ZNF516: variants seen among roughly 807,000 people sequenced by gnomAD.
ZNF516 encodes zinc finger protein 516.
Under a neutral mutation model 79.7 loss-of-function variants are expected in ZNF516, and 19 were observed. That is an observed-to-expected ratio of 0.24 (90% CI 0.17 to 0.35). The LOEUF (loss-of-function observed/expected upper bound fraction) is 0.35. Ranked by LOEUF, ZNF516 falls within the 10% of genes least tolerant of loss-of-function variation. The pLI, the probability that ZNF516 is intolerant of heterozygous loss-of-function variation, is 1.00. For synonymous variants in ZNF516, 877 were observed against 739.5 expected, an observed-to-expected ratio of 1.19 and a Z score of -3.02; for missense variants, 1,678 against 1,679.5, an observed-to-expected ratio of 1.00 and a Z score of 0.02.
intron 1 of ZNF516, among the ~76,000 whole-genome samples, chr18:76,491,304 A>G (rs1324514632): frequency 1.2e-4 from 4 of 32,804 alleles, no homozygotes; most frequent in Non-Finnish European, 2.2e-4. Context: ...CCGGCCCTCC[A>G]CAGCCCCATC....
chr18:76,438,884 T>C (rs2145511941), intron 3 of ZNF516, among the ~76,000 whole-genome samples: 1 of 152,348 alleles, frequency 6.6e-6, no homozygotes, highest in Admixed American at 6.5e-5. Flanking sequence ...TGGCTGCTGC[T>C]TGTAAGAACC....
chr18:76,391,869 A>C (rs1004641610), intron 3 of ZNF516, among the ~76,000 whole-genome samples: 5 of 152,214 alleles, frequency 3.3e-5, no homozygotes, highest in Admixed American at 2.0e-4. Context: ...CGGAGACCCC[A>C]TCAGACAGAG....
chr18:76,472,570 A>G (rs1443352641), intron 1 of ZNF516, among the ~76,000 whole-genome samples: 6 of 152,270 alleles, frequency 3.9e-5, no homozygotes, highest in East Asian at 3.8e-4. Context: ...GGCTTCAGCA[A>G]TATGAAATTT....
intron 3 of ZNF516, among the ~76,000 whole-genome samples, chr18:76,432,287 C>G (rs183304657): frequency 6.6e-6 from 1 of 152,372 alleles, no homozygotes; most frequent in East Asian, 1.9e-4. Context: ...TAGGCCTCTG[C>G]CTTGAGTGCT....
At chr18:76,486,823 C>A (rs1412184845) in intron 1 of ZNF516, among the ~76,000 whole-genome samples, 1 of 152,126 alleles carries the variant, frequency 6.6e-6, no homozygotes, top group African/African-American at 2.4e-5. Context: ...CTTCTCGGCC[C>A]AGTAAATTCT....
At chr18:76,371,709 G>T (rs2074710877) in intron 4 of ZNF516, 138 bp from the exon 5 acceptor site, 1 of 680,496 alleles carries the variant, frequency 1.5e-6, no homozygotes, top group African/African-American at 1.8e-5. Flanking sequence ...CTCCCTTCAG[G>T]CCCTGGTGAC....
intron 3 of ZNF516, among the ~76,000 whole-genome samples, chr18:76,440,917 T>C (rs934925794): frequency 1.3e-5 from 2 of 152,110 alleles, no homozygotes; most frequent in African/African-American, 4.8e-5. Context: ...AGGTCAAAGG[T>C]GTGAGTATAT....
At chr18:76,410,625 A>T (rs911296276) in intron 3 of ZNF516, among the ~76,000 whole-genome samples, 4 of 152,252 alleles carry the variant, frequency 2.6e-5, no homozygotes, top group African/African-American at 9.6e-5. Context: ...ATTTTTAAAA[A>T]TTTCAATTTG....
chr18:76,491,849 G>A (rs958135954), intron 1 of ZNF516, among the ~76,000 whole-genome samples: 2 of 152,072 alleles, frequency 1.3e-5, no homozygotes, highest in African/African-American at 4.8e-5. Context: ...ACACCTCCCA[G>A]GGCTGCCCAG....
rs1257399657 is a variant in ZNF516 at position 76,437,066 on chromosome 18, A to AC, written c.1810+4178_1810+4179insG. Among the ~76,000 whole-genome samples, 48 of 130,098 alleles carry AC rather than the reference A, an allele frequency of 3.7e-4. 1 individual carries two copies. The highest frequency in any genetic ancestry group is 1.3e-3 in the African/African-American group (46 of 34,608). The allele number at this position is 130,098 out of a possible 152,430, so 85.3% of individuals were successfully genotyped here. A position where few individuals can be genotyped will look rare whatever the true frequency, so the allele number is the denominator to read the frequency against. ...TGGGTGACAGAGCAAGACCTGTCTA[A>AC]AACACACACACACACACACACACAC... On this transcript the variant is annotated intron_variant, in intron 3 of 6. Coordinates refer to ENST00000443185, the MANE Select transcript of ZNF516 (RefSeq NM_014643.4).
chr18:76,426,516 T>C (rs1441182938), intron 3 of ZNF516, among the ~76,000 whole-genome samples: 1 of 150,822 alleles, frequency 6.6e-6, no homozygotes, highest in Non-Finnish European at 1.5e-5. Context: ...AAATATTGCA[T>C]GGGACATACA....
At chr18:76,482,594 T>C (rs887039533) in intron 1 of ZNF516, among the ~76,000 whole-genome samples, 1 of 152,254 alleles carries the variant, frequency 6.6e-6, no homozygotes, top group African/African-American at 2.4e-5. Flanking sequence ...CCATGTTCAG[T>C]AGACTGAAGG....
chr18:76,492,915 C>G (rs145024767), intron 1 of ZNF516: 1 of 985,478 alleles, frequency 1.0e-6, no homozygotes, highest in Non-Finnish European at 1.2e-6. Flanking sequence ...AATGCAGAAG[C>G]CTGCGGATGC....
At chr18:76,422,192 A>C (rs1192408225) in intron 3 of ZNF516, among the ~76,000 whole-genome samples, 1 of 152,188 alleles carries the variant, frequency 6.6e-6, no homozygotes, top group African/African-American at 2.4e-5. Context: ...CAAGCACTAA[A>C]TAAGACACAG....
chr18:76,404,944 A>T (rs764317648), intron 3 of ZNF516, among the ~76,000 whole-genome samples: 1 of 152,156 alleles, frequency 6.6e-6, no homozygotes, highest in African/African-American at 2.4e-5. Context: ...GTCCTAAGCC[A>T]CGGTCGATGG....
At chr18:76,416,464 A>G (rs551246263) in intron 3 of ZNF516, among the ~76,000 whole-genome samples, 1 of 152,358 alleles carries the variant, frequency 6.6e-6, no homozygotes, top group Non-Finnish European at 1.5e-5. Flanking sequence ...AAGTTATCCA[A>G]ACTTACTGTT....
chr18:76,469,945 G>A lies in ZNF516; in HGVS notation c.-271-6804C>T, dbSNP rs372834818. On this transcript the variant is annotated intron_variant, in intron 1 of 6. Coordinates refer to ENST00000443185, the MANE Select transcript of ZNF516 (RefSeq NM_014643.4). ...TGAAATGCTTTAAAATTGTACTCAG[G>A]AAATCATTACAAAATACAAATGAGA... 1.4e-4 allele frequency among the ~76,000 whole-genome samples: 22 copies of A among 152,202 alleles called. No individual in the cohort carries two copies. In the South Asian group the frequency reaches 4.6e-3, roughly 32 times the overall value.
At chr18:76,409,793 T>A (rs1208245483) in intron 3 of ZNF516, among the ~76,000 whole-genome samples, 4 of 152,104 alleles carry the variant, frequency 2.6e-5, no homozygotes, top group African/African-American at 9.7e-5. Flanking sequence ...GTCCCCAAAT[T>A]GGAGGCACCA....
chr18:76,387,559 C>A (rs940952240), intron 3 of ZNF516: 1 of 152,230 alleles, frequency 6.6e-6, no homozygotes, highest in African/African-American at 2.4e-5. Context: ...GTCACTCAGT[C>A]ACACAAAAGC....
Sources: allele counts gnomAD v4.1 joint callset (sites outside exome capture counted in the v4.1 genomes callset), GRCh38; gene constraint gnomAD v4.1.1; transcripts MANE v1.5; gene names NCBI Gene and HGNC (gene_info 2026-07-23, HGNC 2026-07-21).